Variants in CDK1 observed in about 807,000 individuals in gnomAD.
The protein encoded by CDK1 is cyclin-dependent kinase 1.
A neutral mutation model predicts 34.6 loss-of-function variants in CDK1; 5 were observed. The observed-to-expected ratio is 0.14, with a 90% CI of 0.08 to 0.30. The LOEUF (loss-of-function observed/expected upper bound fraction) is 0.30, where lower values mean the gene tolerates loss of function less well. CDK1 is among the 10% of genes least tolerant of loss of function. CDK1 has a pLI of 1.00. For synonymous variants in CDK1, 108 were observed against 114.7 expected, an observed-to-expected ratio of 0.94 and a Z score of 0.37; for missense variants, 157 against 345.7, an observed-to-expected ratio of 0.45 and a Z score of 4.33.
At chr10:60,789,319 G>A (rs2080339637) in intron 5 of CDK1, among the ~76,000 whole-genome samples, 1 of 152,106 alleles carries the variant, frequency 6.6e-6, no homozygotes, top group South Asian at 2.1e-4. Context: ...AGCTTACAGT[G>A]CTGTAGAACA....
At chr10:60,787,109 G>A in intron 4 of CDK1, 1 of 977,276 alleles carries the variant, frequency 1.0e-6, no homozygotes, top group Non-Finnish European at 1.2e-6. Flanking sequence ...TTATGTACAG[G>A]CAACAATGGT....
intron 2 of CDK1, chr10:60,783,351 CAT>C (rs1167127277): frequency 6.6e-5 from 10 of 152,188 alleles, no homozygotes; most frequent in Admixed American, 6.5e-4. Context: ...TTTAAGAAAA[CAT>C]AGACTTTTGT....
chr10:60,793,630 G>A (rs111416211), intron 7 of CDK1, among the ~76,000 whole-genome samples: 3 of 151,924 alleles, frequency 2.0e-5, no homozygotes, highest in Non-Finnish European at 4.4e-5. Context: ...GAGTCTTACC[G>A]TAATTGATAA....
chr10:60,793,991 T>A lies in CDK1; in HGVS notation c.*16T>A. On this transcript the variant is annotated 3_prime_UTR_variant, in exon 8 of 8. Coordinates refer to ENST00000395284, the MANE Select transcript of CDK1 (RefSeq NM_001786.5). ...GAAGATGTAGCTTTCTGACAAAAAG[T>A]TTCCATATGTTATATCAACAGATAG... 1.6e-6 allele frequency: 2 copies of A among 1,246,682 alleles called. No individual in the cohort carries two copies. The highest frequency in any genetic ancestry group is 2.7e-5 in the South Asian group (2 of 73,156). 77.2% of individuals were successfully genotyped at this position (1,246,682 alleles called of 1,614,324 possible). A position where few individuals can be genotyped will look rare whatever the true frequency, so the allele number is the denominator to read the frequency against.
chr10:60,794,777 G>A lies in CDK1; in HGVS notation c.*802G>A, dbSNP rs2080386903. 6.6e-6 allele frequency: 1 copy of A among 152,030 alleles called. No homozygotes were observed. Among genetic ancestry groups the A allele is most frequent in the South Asian group, 2.1e-4 (1 of 4,830 alleles). The allele number at this position is 152,030 out of a possible 1,614,324, so 9.4% of individuals were successfully genotyped here. Reference sequence around the variant, plus strand: ...ACACATTTTGACATAGTGTTTATTAGCAGCCATCTAAAAAGGCTCTAATGT... The same window carrying A: ...ACACATTTTGACATAGTGTTTATTAACAGCCATCTAAAAAGGCTCTAATGT... On this transcript the variant is annotated 3_prime_UTR_variant, in exon 8 of 8. Coordinates refer to ENST00000395284, the MANE Select transcript of CDK1 (RefSeq NM_001786.5).
Position 60,784,817 on chromosome 10 carries a change from G to T in CDK1, c.150G>T (p.Arg50=). Residue 50 remains arginine, a synonymous_variant, in exon 3 of 8, where the codon CGG becomes CGT. Transcript: ENST00000395284. Reference sequence around the variant, plus strand: ...AAGGGGTTCCTAGTACTGCAATTCGGGAAATTTCTCTATTAAAGGAACTTC... The same window carrying T: ...AAGGGGTTCCTAGTACTGCAATTCGTGAAATTTCTCTATTAAAGGAACTTC... The part of the protein sequence containing the change: ...EEEGVPSTAI[R]EISLLKELRH... 6.2e-7 allele frequency: 1 copy of T among 1,613,550 alleles called. No individual in the cohort carries two copies. The highest frequency in any genetic ancestry group is 8.5e-7 in the Non-Finnish European group (1 of 1,179,632).
chr10:60,779,092 G>C (rs895804803), intron 1 of CDK1, among the ~76,000 whole-genome samples: 1 of 152,208 alleles, frequency 6.6e-6, no homozygotes, highest in Admixed American at 6.5e-5. Flanking sequence ...GGCTTGCTCT[G>C]CCCACGGCCC....
chr10:60,790,623 A>G (rs1476407343), intron 5 of CDK1, among the ~76,000 whole-genome samples: 3 of 152,184 alleles, frequency 2.0e-5, no homozygotes, highest in Non-Finnish European at 4.4e-5. Flanking sequence ...ATCAATATCA[A>G]TAACAGTGTT....
chr10:60,794,506 A>G lies in CDK1; in HGVS notation c.*531A>G, dbSNP rs1377544681. On this transcript the variant is annotated 3_prime_UTR_variant, in exon 8 of 8. Coordinates refer to ENST00000395284, the MANE Select transcript of CDK1 (RefSeq NM_001786.5). ...TGAGAAAACTATACAGATTTGAGAA[A>G]TGATGCTAAATTTATAGGAGTTTTC... The G allele has an allele frequency of 3.5e-5, 5 of 141,558 alleles. No individual in the cohort carries two copies. The East Asian group carries it at 9.8e-4, about 28-fold the overall frequency. 8.8% of individuals were successfully genotyped at this position (141,558 alleles called of 1,614,324 possible). A position where few individuals can be genotyped will look rare whatever the true frequency, so the allele number is the denominator to read the frequency against.
At position 60,785,865 on chromosome 10, in the gene CDK1, G is replaced by T. The variant is rs1391254865; in HGVS notation, c.318+78G>T. 5 of 1,375,428 alleles carry T rather than the reference G, an allele frequency of 3.6e-6. No individual in the cohort carries two copies. In the East Asian group the frequency reaches 1.3e-4, roughly 35 times the overall value. The allele number at this position is 1,375,428 out of a possible 1,614,324, so 85.2% of individuals were successfully genotyped here. The stretch of plus-strand genomic sequence containing the variant: ...CTATATATAGAAGTCCCTGCATTTT[G>T]TGGGAATATGCTTGGAAAAAGTGTT... On this transcript the variant is annotated intron_variant, in intron 4 of 7. Transcript: ENST00000395284.
At position 60,793,863 on chromosome 10, in the gene CDK1, C is replaced by G. The variant is rs376266267; in HGVS notation, c.796-14C>G. The G allele has an allele frequency of 1.4e-6, 2 of 1,419,654 alleles. No individual in the cohort carries two copies. Among genetic ancestry groups the G allele is most frequent in the Non-Finnish European group, 1.9e-6 (2 of 1,031,946 alleles). The allele number at this position is 1,419,654 out of a possible 1,614,324, so 87.9% of individuals were successfully genotyped here. A position where few individuals can be genotyped will look rare whatever the true frequency, so the allele number is the denominator to read the frequency against. On this transcript the variant is annotated splice_polypyrimidine_tract_variant and intron_variant, in intron 7 of 7. Coordinates refer to ENST00000395284, the MANE Select transcript of CDK1 (RefSeq NM_001786.5). ...ATTTCCTAAATAAATATCTCTTTTTCTTTTTTCTCCCAGAAAATGTTAATC... is the reference window on the plus strand; with the variant it reads ...ATTTCCTAAATAAATATCTCTTTTTGTTTTTTCTCCCAGAAAATGTTAATC...
chr10:60,793,561 A>G (rs896247492), intron 7 of CDK1, among the ~76,000 whole-genome samples: 1 of 152,076 alleles, frequency 6.6e-6, no homozygotes, highest in Non-Finnish European at 1.5e-5. Context: ...TGTAAATATA[A>G]TTAACTAGAC....
chr10:60,784,622 C>G, intron 2 of CDK1, 83 bp from the exon 3 acceptor site: 1 of 1,191,198 alleles, frequency 8.4e-7, no homozygotes, highest in Non-Finnish European at 1.2e-6. Context: ...AAAACAAGAC[C>G]CTGCCATAAG....
intron 2 of CDK1, among the ~76,000 whole-genome samples, chr10:60,783,857 A>C (rs2080292954): frequency 6.7e-6 from 1 of 150,180 alleles, no homozygotes; most frequent in South Asian, 2.1e-4. Flanking sequence ...AATATGTAGT[A>C]CATACAATGT....
At chr10:60,785,635 T>G in intron 3 of CDK1, 29 bp from the exon 4 acceptor site, 24 of 1,393,218 alleles carry the variant, frequency 1.7e-5, no homozygotes, top group African/African-American at 2.9e-5. Context: ...GTTTGCTGGA[T>G]TCTTCTCTCA....
At chr10:60,793,847 A>G in intron 7 of CDK1, 30 bp from the exon 8 acceptor site, 1 of 1,257,154 alleles carries the variant, frequency 8.0e-7, no homozygotes, top group South Asian at 1.3e-5. Context: ...TATTTCCTAA[A>G]TAAATATCTC....
At chr10:60,787,164 A>T in intron 4 of CDK1, 1 of 557,156 alleles carries the variant, frequency 1.8e-6, no homozygotes, top group Non-Finnish European at 2.3e-6. Flanking sequence ...GAAATGATGC[A>T]CATTCACTAG....
chr10:60,784,982 C>A, intron 3 of CDK1, 121 bp downstream of exon 3: 1 of 831,536 alleles, frequency 1.2e-6, no homozygotes, highest in Non-Finnish European at 1.9e-6. Flanking sequence ...GGACTAGAAC[C>A]CTATTTTTGG....
At chr10:60,786,831 A>G (rs1309665391) in intron 4 of CDK1, 1 of 951,460 alleles carries the variant, frequency 1.1e-6, no homozygotes, top group Non-Finnish European at 1.3e-6. Flanking sequence ...TAAACCGCCT[A>G]TATTTTCGTT....
Sources: gnomAD v4.1 joint callset for allele counts (sites outside exome capture counted in the v4.1 genomes callset) on GRCh38, gnomAD v4.1.1 for gene constraint, MANE v1.5 for transcripts, NCBI Gene and HGNC (gene_info 2026-07-23, HGNC 2026-07-21) for gene names.